The following KYAT3 variants were observed in gnomAD, a reference collection of about 807,000 sequenced individuals.
The protein encoded by KYAT3 is kynurenine aminotransferase 3.
A neutral mutation model predicts 59.0 loss-of-function variants in KYAT3; 50 were observed. The ratio of observed to expected loss-of-function variants is 0.85; its 90% CI spans 0.68 to 1.07. KYAT3 has a LOEUF of 1.07. Among genes scored for constraint, KYAT3 ranks in the 50% least tolerant of loss-of-function variants. KYAT3 has a pLI of 0.00. For missense variants in KYAT3, 497 were observed against 533.3 expected (o/e 0.93, Z 0.67); for synonymous variants, 148 against 177.0 (o/e 0.84, Z 1.30).
At chr1:88,980,087 T>C (rs1677004922) in intron 2 of KYAT3, 1 of 152,202 alleles carries the variant, frequency 6.6e-6, no homozygotes. Context: ...CACAATCCCA[T>C]TTATATAAAA....
At chr1:88,944,145 A>G (rs1008433002) in intron 11 of KYAT3, among the ~76,000 whole-genome samples, 1 of 152,166 alleles carries the variant, frequency 6.6e-6, no homozygotes. Context: ...TCAGCAATCC[A>G]CATTTCATAT....
At chr1:88,978,753 C>T (rs573139777) in intron 2 of KYAT3, among the ~76,000 whole-genome samples, 2 of 152,000 alleles carry the variant, frequency 1.3e-5, no homozygotes, top group African/African-American at 2.4e-5. Flanking sequence ...TCAAGTGATC[C>T]TCCTGTCTTG....
In KYAT3 at chr1:88,983,718, C is replaced by A. The variant is rs1225423368; in HGVS notation, c.99+4534G>T. 3 of 1,613,852 alleles carry A rather than the reference C, an allele frequency of 1.9e-6. No individual in the cohort carries two copies. The African/African-American group carries it at 4.0e-5, about 22-fold the overall frequency. The stretch of plus-strand genomic sequence containing the variant: ...GTTTCACGGTCTTTTATCAAGAGTA[C>A]TTCCACTATTCGTCCATATTTGCCA... On this transcript the variant is annotated intron_variant, in intron 2 of 13. Transcript: ENST00000260508.
At chr1:88,965,819 T>C (rs1284997896) in intron 4 of KYAT3, among the ~76,000 whole-genome samples, 1 of 152,210 alleles carries the variant, frequency 6.6e-6, no homozygotes, top group African/African-American at 2.4e-5. Flanking sequence ...GTGCAGGTCA[T>C]GTACCTTTGT....
chr1:88,954,145 G>A (rs533479353), intron 9 of KYAT3, among the ~76,000 whole-genome samples: 11 of 152,206 alleles, frequency 7.2e-5, no homozygotes, highest in Admixed American at 3.3e-4. Context: ...TGATCTACCC[G>A]CCTCGGCCTC....
the KYAT3 span, among the ~76,000 whole-genome samples, chr1:88,925,321 C>A: frequency 6.6e-6 from 1 of 152,218 alleles, no homozygotes; most frequent in African/African-American, 2.4e-5. Flanking sequence ...CTGACCCATA[C>A]CTCCTGGGTC....
Position 88,961,219 on chromosome 1 carries a change from G to A in KYAT3, c.735C>T (p.Ser245=), listed in dbSNP as rs3738055. ...ATACAAGCCATTCATAAACCTCATCGCTGATGCAGAGTGTGTCATATTTGA... is the reference window on the plus strand; with the variant it reads ...ATACAAGCCATTCATAAACCTCATCACTGATGCAGAGTGTGTCATATTTGA... The part of the protein sequence containing the change: ...LCIKYDTLCI[S]DEVYEWLVYS... The change falls in exon 8 of 14, where the codon AGC becomes AGT. Residue 245 remains serine (S), a synonymous_variant. Transcript: ENST00000260508. 759,485 of 1,612,138 alleles carry A rather than the reference G, an allele frequency of 0.47. 182,428 individuals carry two copies. The highest frequency in any genetic ancestry group is 0.5 in the Non-Finnish European group (587,082 of 1,178,876).
At chr1:88,932,294 GC>G (rs1457287895), downstream of KYAT3, among the ~76,000 whole-genome samples, 11 of 151,996 alleles carry the variant, frequency 7.2e-5, no homozygotes, top group Non-Finnish European at 1.5e-4. Context: ...TATGAATATT[GC>G]CCCCTAAATT....
At chr1:88,934,989 A>ATTTT (rs59691903), downstream of KYAT3, among the ~76,000 whole-genome samples, 14 of 110,086 alleles carry the variant, frequency 1.3e-4, no homozygotes, top group Non-Finnish European at 2.4e-4. Context: ...TAAAGAAGTG[A>ATTTT]TTTTTTTTTT....
chr1:88,973,973 T>C (rs1235686775), intron 2 of KYAT3, among the ~76,000 whole-genome samples: 2 of 152,132 alleles, frequency 1.3e-5, no homozygotes, highest in African/African-American at 4.8e-5. Flanking sequence ...ATCTGTGTAG[T>C]ATGGGCTGTG....
At chr1:88,973,348 C>T (rs1214502665) in intron 2 of KYAT3, among the ~76,000 whole-genome samples, 1 of 152,206 alleles carries the variant, frequency 6.6e-6, no homozygotes, top group African/African-American at 2.4e-5. Flanking sequence ...AGGGAACTAA[C>T]ACACTGGTGA....
intron 2 of KYAT3, chr1:88,983,957 A>G: frequency 9.9e-7 from 1 of 1,010,456 alleles, no homozygotes; most frequent in Non-Finnish European, 1.5e-6. Flanking sequence ...CGAAGCCGCT[A>G]GCACTACTGC....
At chr1:88,926,680 A>G in the KYAT3 span, among the ~76,000 whole-genome samples, 1 of 152,196 alleles carries the variant, frequency 6.6e-6, no homozygotes, top group Non-Finnish European at 1.5e-5. Flanking sequence ...TCAGTAATTG[A>G]TAGGGAGACT....
chr1:88,935,851 C>G lies in KYAT3; in HGVS notation c.*332G>C, dbSNP rs1675014932. 1 of 407,682 alleles carries G rather than the reference C, an allele frequency of 2.5e-6. No homozygotes were observed. Among genetic ancestry groups the G allele is most frequent in the Admixed American group, 4.1e-5 (1 of 24,450 alleles). The allele number at this position is 407,682 out of a possible 1,614,324, so 25.3% of individuals were successfully genotyped here. A position where few individuals can be genotyped will look rare whatever the true frequency, so the allele number is the denominator to read the frequency against. ...AGTCCATTTAATTCTCAGAAACGACCTTCATATGAAACAGGTACTGATTTT... is the reference window on the plus strand; with the variant it reads ...AGTCCATTTAATTCTCAGAAACGACGTTCATATGAAACAGGTACTGATTTT... On this transcript the variant is annotated 3_prime_UTR_variant, in exon 14 of 14. Transcript: ENST00000260508.
Position 88,936,000 on chromosome 1 carries a change from G to T in KYAT3, c.*183C>A. ...AAGGTGTGTTAATACATTTCAACTG[G>T]AAAAAAAAGGTCAGATCCCCCGAAA... On this transcript the variant is annotated 3_prime_UTR_variant, in exon 14 of 14. Coordinates refer to ENST00000260508, the MANE Select transcript of KYAT3 (RefSeq NM_001008661.3). The T allele has an allele frequency of 2.0e-6, 1 of 506,180 alleles. No homozygotes were observed. The allele number at this position is 506,180 out of a possible 1,614,324, so 31.4% of individuals were successfully genotyped here.
chr1:88,947,921 G>A (rs187134040), intron 11 of KYAT3, among the ~76,000 whole-genome samples: 12 of 152,106 alleles, frequency 7.9e-5, no homozygotes, highest in South Asian at 4.2e-4. Context: ...GCAAAACCTC[G>A]TCTCTAAAAA....
downstream of KYAT3, among the ~76,000 whole-genome samples, chr1:88,934,384 G>C (rs945456526): frequency 4.6e-5 from 7 of 152,184 alleles, no homozygotes; most frequent in African/African-American, 1.7e-4. Context: ...AACCTGGGGG[G>C]CAGAGGTTGC....
intron 2 of KYAT3, chr1:88,983,375 C>T: frequency 1.2e-6 from 2 of 1,614,196 alleles, no homozygotes; most frequent in Non-Finnish European, 1.7e-6. Context: ...TGGTGGTCCT[C>T]TTTTTACTGG....
At chr1:88,949,424 T>C in intron 10 of KYAT3, 147 bp from the exon 11 acceptor site, 1 of 534,338 alleles carries the variant, frequency 1.9e-6, no homozygotes, top group South Asian at 3.3e-5. Context: ...CCTGTGAACC[T>C]ATATTAAACT....
Sources: gnomAD v4.1 joint callset for allele counts (sites outside exome capture counted in the v4.1 genomes callset) on GRCh38, gnomAD v4.1.1 for gene constraint, MANE v1.5 for transcripts, NCBI Gene and HGNC (gene_info 2026-07-23, HGNC 2026-07-21) for gene names.